Variants in RIMS2 observed in about 807,000 individuals in gnomAD.
RIMS2 encodes regulating synaptic membrane exocytosis protein 2.
RIMS2 carries 59 observed loss-of-function variants against 174.4 expected under a neutral mutation model. That is an observed-to-expected ratio of 0.34 (90% CI 0.27 to 0.42). RIMS2 has a LOEUF of 0.42. Ranked by LOEUF, RIMS2 falls within the 10% of genes least tolerant of loss-of-function variation. RIMS2 has a pLI of 1.00. For synonymous variants in RIMS2, 606 were observed against 572.5 expected (o/e 1.06, Z -0.84); for missense variants, 1,620 against 1,666.3 (o/e 0.97, Z 0.48).
intron 3 of RIMS2, among the ~76,000 whole-genome samples, chr8:103,778,860 T>G (rs1252602793): frequency 6.6e-6 from 1 of 152,146 alleles, no homozygotes; most frequent in Non-Finnish European, 1.5e-5. Context: ...CTAATTTATG[T>G]CCCCACCAAG....
intron 2 of RIMS2, among the ~76,000 whole-genome samples, chr8:103,759,762 T>TAG (rs2140094196): frequency 6.6e-6 from 1 of 152,086 alleles, no homozygotes; most frequent in East Asian, 1.9e-4. Context: ...CATAGTGGAA[T>TAG]AGAGGGTCAT....
rs190950655 is a variant in RIMS2, at chr8:103,702,833, C to T, written c.387+5537C>T. On this transcript the variant is annotated intron_variant, in intron 2 of 23. Coordinates refer to ENST00000504942, the Ensembl canonical transcript of RIMS2. ...CTTTATAGCATATTTTGAGGTCAGGCGATGTAATTCCTCCAGCTGTTTTTT... is the reference window on the plus strand; with the variant it reads ...CTTTATAGCATATTTTGAGGTCAGGTGATGTAATTCCTCCAGCTGTTTTTT... Among the ~76,000 whole-genome samples, 112 of 142,024 alleles carry T rather than the reference C, an allele frequency of 7.9e-4. 1 individual carries two copies. The highest frequency in any genetic ancestry group is 1.3e-3 in the Non-Finnish European group (89 of 66,400). 93.2% of individuals were successfully genotyped at this position (142,024 alleles called of 152,430 possible). A position where few individuals can be genotyped will look rare whatever the true frequency, so the allele number is the denominator to read the frequency against.
At chr8:103,775,602 C>G (rs2098306420) in intron 3 of RIMS2, among the ~76,000 whole-genome samples, 1 of 152,054 alleles carries the variant, frequency 6.6e-6, no homozygotes, top group Non-Finnish European at 1.5e-5. Flanking sequence ...AATTAAATAA[C>G]AAATGTCTTT....
intron 19 of RIMS2, among the ~76,000 whole-genome samples, chr8:104,035,406 G>A (rs1164298893): frequency 1.3e-5 from 2 of 151,370 alleles, no homozygotes; most frequent in African/African-American, 4.8e-5. Context: ...CCCAGATTTG[G>A]CATTATTTGC....
intron 19 of RIMS2, among the ~76,000 whole-genome samples, chr8:104,082,182 G>A (rs752405076): frequency 6.6e-6 from 1 of 151,846 alleles, no homozygotes; most frequent in Non-Finnish European, 1.5e-5. Flanking sequence ...AGGAATAAAG[G>A]ACGGAAGGGA....
intron 3 of RIMS2, among the ~76,000 whole-genome samples, chr8:103,828,469 G>C (rs990304665): frequency 1.3e-5 from 2 of 152,118 alleles, no homozygotes; most frequent in Non-Finnish European, 2.9e-5. Flanking sequence ...GTTCCTTATA[G>C]ATTCTGGATA....
chr8:104,142,351 A>T (rs1363100955), intron 19 of RIMS2, among the ~76,000 whole-genome samples: 1 of 151,652 alleles, frequency 6.6e-6, no homozygotes, highest in Non-Finnish European at 1.5e-5. Flanking sequence ...CTGGTTTCAA[A>T]CTTCTCACCC....
intron 19 of RIMS2, among the ~76,000 whole-genome samples, chr8:104,213,599 G>A (rs1438144396): frequency 3.3e-5 from 5 of 152,098 alleles, no homozygotes; most frequent in East Asian, 1.9e-4. Flanking sequence ...TGAATGGGCC[G>A]GGTGCAGTGG....
At chr8:103,504,500 A>G (rs1014893575) in intron 1 of RIMS2, among the ~76,000 whole-genome samples, 1 of 152,208 alleles carries the variant, frequency 6.6e-6, no homozygotes, top group Non-Finnish European at 1.5e-5. Flanking sequence ...CACTAAATCA[A>G]TAGAAAAGTA....
At chr8:103,597,803 A>G (rs1417615805) in intron 1 of RIMS2, among the ~76,000 whole-genome samples, 1 of 152,084 alleles carries the variant, frequency 6.6e-6, no homozygotes, top group South Asian at 2.1e-4. Context: ...AGCTATAATC[A>G]TCTGTATATA....
chr8:103,651,907 A>C (rs914949335), intron 1 of RIMS2, among the ~76,000 whole-genome samples: 2 of 152,138 alleles, frequency 1.3e-5, no homozygotes, highest in African/African-American at 2.4e-5. Flanking sequence ...ATAGTATGTT[A>C]AAATAATTAC....
intron 1 of RIMS2, among the ~76,000 whole-genome samples, chr8:103,664,983 G>A (rs4532569): frequency 0.12 from 18,873 of 152,150 alleles, 1,265 homozygotes; most frequent in Middle Eastern, 0.22. Flanking sequence ...GCAGGGACAT[G>A]GATGCAGCTG....
In RIMS2 at chr8:103,747,819, C is replaced by G. The variant is rs932088663; in HGVS notation, c.388-18408C>G. Among the ~76,000 whole-genome samples, 2 of 152,026 alleles carry G rather than the reference C, an allele frequency of 1.3e-5. 1 individual carries two copies. The highest frequency in any genetic ancestry group is 4.8e-5 in the African/African-American group (2 of 41,362). On this transcript the variant is annotated intron_variant, in intron 2 of 23. Transcript: ENST00000504942. ...TAAAGGTCTGAAATTCACTTTTGGA[C>G]TTATTAAGTTTGAGATAAATCAAAA...
chr8:103,628,609 G>A (rs560382738), intron 1 of RIMS2, among the ~76,000 whole-genome samples: 103 of 151,888 alleles, frequency 6.8e-4, no homozygotes, highest in African/African-American at 2.2e-3. Flanking sequence ...CCACCTTGGC[G>A]TCCCATGGCT....
At position 103,954,668 on chromosome 8, in the gene RIMS2, C is replaced by T. The variant is rs541531290; in HGVS notation, c.2702-6397C>T. 8.5e-5 allele frequency among the ~76,000 whole-genome samples: 13 copies of T among 152,224 alleles called. No individual in the cohort carries two copies. The East Asian group carries it at 2.5e-3, about 29-fold the overall frequency. On this transcript the variant is annotated intron_variant, in intron 14 of 23. Coordinates refer to ENST00000504942, the Ensembl canonical transcript of RIMS2. ...GAAAGCAGGAAAGATCTAAAATTTACACCCTAACATCGCAATTAAAAGAAC... is the reference window on the plus strand; with the variant it reads ...GAAAGCAGGAAAGATCTAAAATTTATACCCTAACATCGCAATTAAAAGAAC...
At chr8:103,823,096 A>G (rs2098763408) in intron 3 of RIMS2, among the ~76,000 whole-genome samples, 1 of 151,906 alleles carries the variant, frequency 6.6e-6, no homozygotes, top group Non-Finnish European at 1.5e-5. Flanking sequence ...TCTTTTTTAT[A>G]CAACGAAGAG....
At chr8:104,207,571 C>T (rs893924019) in intron 19 of RIMS2, among the ~76,000 whole-genome samples, 3 of 151,844 alleles carry the variant, frequency 2.0e-5, no homozygotes, top group Admixed American at 1.3e-4. Context: ...TTTGGGAGGC[C>T]GAGGCAGGTG....
Position 104,013,596 on chromosome 8 carries a change from G to T in RIMS2, c.3199G>T (p.Ala1067Ser), listed in dbSNP as rs547578476. The change falls in exon 18 of 24, where the codon GCC becomes TCC. Residue 1067 changes from alanine to serine, a missense_variant. Transcript: ENST00000504942. ...GCCTTCATTAATGACTGGAAGATCT[G>T]CCCCTCCTTCACCTGCCTTATCGAG... 1.2e-6 allele frequency: 2 copies of T among 1,613,546 alleles called. No homozygotes were observed. The highest frequency in any genetic ancestry group is 3.3e-5 in the Admixed American group (2 of 59,960).
At chr8:104,021,153 C>T (rs2154554937) in intron 19 of RIMS2, among the ~76,000 whole-genome samples, 1 of 152,108 alleles carries the variant, frequency 6.6e-6, no homozygotes, top group South Asian at 2.1e-4. Flanking sequence ...ATGTATTCTT[C>T]CCTGTCTTCA....
Sources: gnomAD v4.1 joint callset for allele counts (sites outside exome capture counted in the v4.1 genomes callset) on GRCh38, gnomAD v4.1.1 for gene constraint, MANE v1.5 for transcripts, NCBI Gene and HGNC (gene_info 2026-07-23, HGNC 2026-07-21) for gene names.